The following NOTCH4 variants were observed in gnomAD, a reference collection of about 807,000 sequenced individuals.
The protein encoded by NOTCH4 is neurogenic locus notch homolog protein 4.
Under a neutral mutation model 189.0 loss-of-function variants are expected in NOTCH4, and 138 were observed. The ratio of observed to expected loss-of-function variants is 0.73; its 90% CI spans 0.64 to 0.84. The LOEUF (loss-of-function observed/expected upper bound fraction) is 0.84. NOTCH4 is among the 40% of genes least tolerant of loss of function. The pLI is 0.00. For synonymous variants in NOTCH4, 942 were observed against 1,032.8 expected, an observed-to-expected ratio of 0.91 and a Z score of 1.69; for missense variants, 2,286 against 2,605.4, an observed-to-expected ratio of 0.88 and a Z score of 2.67.
In NOTCH4 at chr6:32,195,576, G is replaced by A. The variant is rs2127457869; in HGVS notation, c.5873C>T (p.Ala1958Val). The A allele has an allele frequency of 1.2e-6, 2 of 1,613,126 alleles. 1 individual carries two copies. The highest frequency in any genetic ancestry group is 2.2e-5 in the South Asian group (2 of 91,076). Reference protein sequence around the residue: ...DWPCDWVALGACGSASNIPIP... With the variant: ...DWPCDWVALGVCGSASNIPIP... ...CGGAATGTTGGAGGCAGAACCGCAA[G>A]CTCCCAGGGCCACCCAATCACAGGG... Residue 1958 changes from alanine to valine, a missense_variant, in exon 30 of 30, where the codon GCT (alanine) becomes GTT (valine). By Grantham distance (64) the Ala-to-Val change is moderately conservative. This residue lies in a region of NOTCH4 where 383 missense variants were observed against 343.5 expected (regional missense o/e 1.11). Coordinates refer to ENST00000375023, the MANE Select transcript of NOTCH4 (RefSeq NM_004557.4). This position sits in a 1 kb window ranked among gnomAD's most constrained non-coding sequence, Gnocchi z 5.4.
chr6:32,215,200 G>A, intron 12 of NOTCH4, 26 bp downstream of exon 12: 1 of 1,567,066 alleles, frequency 6.4e-7, no homozygotes, highest in Non-Finnish European at 8.6e-7. Context: ...GGAGGGGGCA[G>A]ATGGGGAGGG....
At chr6:32,214,468 T>TAG (rs1789250593) in intron 12 of NOTCH4, among the ~76,000 whole-genome samples, 2 of 103,614 alleles carry the variant, frequency 1.9e-5, no homozygotes, top group East Asian at 2.7e-4. Flanking sequence ...TAGTTGGAGA[T>TAG]ATATATATAT....
In NOTCH4 at chr6:32,222,855, T is replaced by C. The variant is rs1789875780; in HGVS notation, c.156-49A>G. ...CTCACATCACTGGTCCCTCTTCCTA[T>C]TCTTGCCCACTCCCTCCTCTGCCTT... On this transcript the variant is annotated intron_variant, in intron 2 of 29. Coordinates refer to ENST00000375023, the MANE Select transcript of NOTCH4 (RefSeq NM_004557.4). The C allele has an allele frequency of 3.8e-6, 6 of 1,599,588 alleles. No individual in the cohort carries two copies. In the South Asian group the frequency reaches 6.6e-5, roughly 18 times the overall value.
chr6:32,213,547 A>AGTG (rs1789167747), intron 14 of NOTCH4, 141 bp downstream of exon 14: 3 of 1,078,996 alleles, frequency 2.8e-6, no homozygotes, highest in Non-Finnish European at 4.1e-6. Flanking sequence ...CTGTGTGCCC[A>AGTG]GCTAATTTAG....
Position 32,212,745 on chromosome 6 carries a change from G to T in NOTCH4, c.2526+79C>A. ...TACTTCAAAAACCTTCTCCTGAATG[G>T]CCTGGGACCAGGTGACCCTCCCTGG... On this transcript the variant is annotated intron_variant, in intron 16 of 29. Coordinates refer to ENST00000375023, the MANE Select transcript of NOTCH4 (RefSeq NM_004557.4). The surrounding 1 kb of genome is among the most constrained non-coding windows in gnomAD (Gnocchi z 4.4). 3.4e-6 allele frequency: 5 copies of T among 1,466,090 alleles called. No individual in the cohort carries two copies. The highest frequency in any genetic ancestry group is 2.4e-5 in the East Asian group (1 of 41,466). 90.8% of individuals were successfully genotyped at this position (1,466,090 alleles called of 1,614,324 possible).
chr6:32,201,586 C>T lies in NOTCH4; in HGVS notation c.3756-86G>A. 1 of 1,353,460 alleles carries T rather than the reference C, an allele frequency of 7.4e-7. No homozygotes were observed. Among genetic ancestry groups the T allele is most frequent in the South Asian group, 1.9e-5 (1 of 52,020 alleles). The allele number at this position is 1,353,460 out of a possible 1,614,324, so 83.8% of individuals were successfully genotyped here. On this transcript the variant is annotated intron_variant, in intron 21 of 29. Coordinates refer to ENST00000375023, the MANE Select transcript of NOTCH4 (RefSeq NM_004557.4). This position sits in a 1 kb window ranked among gnomAD's most constrained non-coding sequence, Gnocchi z 5.5. ...TAGAAAGAATTCCCCATATTTTGTG[C>T]CCTCTAGGGCTTTGGTTGCTAAGTG...
In NOTCH4 at chr6:32,197,463, T is replaced by C. The variant is rs769809418; in HGVS notation, c.4888A>G (p.Thr1630Ala). The C allele has an allele frequency of 1.3e-6, 2 of 1,586,538 alleles. No individual in the cohort carries two copies. Among genetic ancestry groups the C allele is most frequent in the South Asian group, 2.3e-5 (2 of 87,588 alleles). ...LDGGACPQAH[T>A]VGTGETPLHL... ...AGGGGGGTCTCCCCAGTGCCCACGG[T>C]GTGAGCCTGGGGACAGGCCCCTCCA... The change falls in exon 27 of 30, where the codon ACC becomes GCC. Residue 1630 changes from threonine to alanine, a missense_variant. This residue lies in a region of NOTCH4 where 1,903 missense variants were observed against 2,261.9 expected (regional missense o/e 0.84). Transcript: ENST00000375023.
chr6:32,212,611 C>G lies in NOTCH4; in HGVS notation c.2543G>C (p.Cys848Ser), dbSNP rs2127477591. 1 of 1,611,666 alleles carries G rather than the reference C, an allele frequency of 6.2e-7. No individual in the cohort carries two copies. The highest frequency in any genetic ancestry group is 8.5e-7 in the Non-Finnish European group (1 of 1,179,268). ...ATTGCGTGGGCAGGGCTTCTGGGCA[C>G]ATAAGTCCATCAGAGTCTGAGGGGT... Reference protein sequence around the residue: ...GGSCQTLMDLCAQKPCPRNSH... With the variant: ...GGSCQTLMDLSAQKPCPRNSH... Residue 848 changes from cysteine to serine, a missense_variant, in exon 17 of 30, where the codon TGT (cysteine) becomes TCT (serine). Physicochemically the swap from Cys to Ser is moderately radical, Grantham distance 112. Around this residue, in one of 2 missense-constraint regions of NOTCH4, gnomAD observed 1,903 missense variants for 2,261.9 expected, o/e 0.84. Coordinates refer to ENST00000375023, the MANE Select transcript of NOTCH4 (RefSeq NM_004557.4). The surrounding 1 kb of genome is among the most constrained non-coding windows in gnomAD (Gnocchi z 4.4).
chr6:32,222,397 G>A lies in NOTCH4; in HGVS notation c.451+114C>T, dbSNP rs183423012. 158 of 914,502 alleles carry A rather than the reference G, an allele frequency of 1.7e-4. 1 individual carries two copies. In the East Asian group the frequency reaches 3.9e-3, roughly 23 times the overall value. 56.6% of individuals were successfully genotyped at this position (914,502 alleles called of 1,614,324 possible). ...AAGAATTGGCATGTTGATTCTCATG[G>A]CTTCTGTCTTCAAAGGGCTTGCAGT... On this transcript the variant is annotated intron_variant, in intron 3 of 29. Coordinates refer to ENST00000375023, the MANE Select transcript of NOTCH4 (RefSeq NM_004557.4).
rs1037775831 is a variant in NOTCH4 at position 32,195,922 on chromosome 6, C to T, written c.5527G>A (p.Ala1843Thr). Residue 1843 changes from alanine (A) to threonine (T), a missense_variant, in exon 30 of 30, where the codon GCA becomes ACA. By Grantham distance (58) the Ala-to-Thr change is moderately conservative. This residue lies in a region of NOTCH4 where 383 missense variants were observed against 343.5 expected (regional missense o/e 1.11). Transcript: ENST00000375023. This position sits in a 1 kb window ranked among gnomAD's most constrained non-coding sequence, Gnocchi z 5.4. ...PGREAGPFPR[A>T]RTVSVSVPPH... ...GGCACGCTTACTGACACCGTCCGTG[C>T]GCGCGGGAAGGGCCCAGCCTCGCGG... is the stretch of plus-strand genomic sequence containing the variant. 8.8e-6 allele frequency: 14 copies of T among 1,586,008 alleles called. No individual in the cohort carries two copies. The highest frequency in any genetic ancestry group is 1.3e-5 in the African/African-American group (1 of 74,594).
At chr6:32,211,784 G>A (rs1454149877) in intron 17 of NOTCH4, among the ~76,000 whole-genome samples, 1 of 152,108 alleles carries the variant, frequency 6.6e-6, no homozygotes, top group African/African-American at 2.4e-5. Flanking sequence ...GAAGAAATTA[G>A]ACCATCGAGT....
chr6:32,197,014 G>A lies in NOTCH4; in HGVS notation c.5111C>T (p.Pro1704Leu). ...VDARTEDGTT[P>L]LMLAARLAVE... ...CGCCAGCCTGGCAGCCAGCATCAAG[G>A]GTGTGGTCCCGTCCTCTGTGCGAGC... Residue 1704 changes from proline (P) to leucine (L), a missense_variant, in exon 28 of 30, where the codon CCC becomes CTC. By Grantham distance (98) the Pro-to-Leu change is moderately conservative. Transcript: ENST00000375023. 1 of 1,612,942 alleles carries A rather than the reference G, an allele frequency of 6.2e-7. No homozygotes were observed.
intron 12 of NOTCH4, among the ~76,000 whole-genome samples, chr6:32,214,834 C>T (rs2127480346): frequency 6.6e-6 from 1 of 152,232 alleles, no homozygotes; most frequent in East Asian, 1.9e-4. Context: ...CCATGTTGGC[C>T]AGGCTGATGT....
Position 32,216,991 on chromosome 6 carries a change from A to G in NOTCH4, c.1815T>C (p.Leu605=), listed in dbSNP as rs768844407. 2 of 1,613,098 alleles carry G rather than the reference A, an allele frequency of 1.2e-6. No homozygotes were observed. Among genetic ancestry groups the G allele is most frequent in the Non-Finnish European group, 1.7e-6 (2 of 1,180,030 alleles). ...SDPCPVGASC[L]DLPGAFFCLC... is the part of the protein sequence containing the mutation. ...GGCAAAAGAAGGCTCCTGGAAGATC[A>G]AGGCAGCTGGCTCCAACGGGACATG... The change falls in exon 11 of 30, where the codon CTT becomes CTC. Residue 605 remains leucine (L), a synonymous_variant. Transcript: ENST00000375023.
chr6:32,209,060 T>C (rs565964473), intron 18 of NOTCH4, among the ~76,000 whole-genome samples: 19 of 152,326 alleles, frequency 1.2e-4, no homozygotes, highest in Admixed American at 1.2e-3. Flanking sequence ...CAATGGAATA[T>C]TATTCAGCCA....
At position 32,222,567 on chromosome 6, in the gene NOTCH4, CG is replaced by C. The variant is rs376675458; in HGVS notation, c.394del (p.Arg132AlafsTer120). 6.3e-7 allele frequency: 1 copy of C among 1,584,032 alleles called. No individual in the cohort carries two copies. The highest frequency in any genetic ancestry group is 1.2e-5 in the South Asian group (1 of 86,726). ...CPPSFCSKRG[R>X]CHIQASGRPQ... ...GCGGCCCGAGGCCTGGATGTGGCAG[CG>C]GCCCCTTTTGGAACAGAAGGAGGGA... On this transcript the variant is annotated frameshift_variant, in exon 3 of 30. Coordinates refer to ENST00000375023, the MANE Select transcript of NOTCH4 (RefSeq NM_004557.4). LOFTEE classifies it high-confidence loss of function.
At position 32,215,245 on chromosome 6, in the gene NOTCH4, G is replaced by A. The variant is rs1789324726; in HGVS notation, c.2002C>T (p.His668Tyr). 1 of 1,603,166 alleles carries A rather than the reference G, an allele frequency of 6.2e-7. No homozygotes were observed. Among genetic ancestry groups the A allele is most frequent in the East Asian group, 2.2e-5 (1 of 44,662 alleles). ...TGTTACCTCTGGCAGTGCCCGTGGT[G>A]GCAGGTGCAGTTGTCCTCAGGTGGG... is the stretch of plus-strand genomic sequence containing the variant. ...CAPPEDNCTCHHGHCQRSSCV... is the reference protein window; with the variant it reads ...CAPPEDNCTCYHGHCQRSSCV... The change falls in exon 12 of 30, where the codon CAC (histidine) becomes TAC (tyrosine). Residue 668 changes from histidine (H) to tyrosine (Y), a missense_variant. By Grantham distance (83) the His-to-Tyr change is moderately conservative (BLOSUM62 2). Around this residue, in one of 2 missense-constraint regions of NOTCH4, gnomAD observed 1,903 missense variants for 2,261.9 expected, o/e 0.84. Transcript: ENST00000375023.
Position 32,195,825 on chromosome 6 carries a change from G to C in NOTCH4, c.5624C>G (p.Ala1875Gly), listed in dbSNP as rs1171658148. 1 of 1,599,826 alleles carries C rather than the reference G, an allele frequency of 6.3e-7. No individual in the cohort carries two copies. Among genetic ancestry groups the C allele is most frequent in the South Asian group, 1.1e-5 (1 of 90,834 alleles). Residue 1875 changes from alanine to glycine, a missense_variant, in exon 30 of 30, where the codon GCT (alanine) becomes GGT (glycine). Ala to Gly is a moderately conservative substitution (Grantham distance 60, BLOSUM62 0). Around this residue, in one of 2 missense-constraint regions of NOTCH4, gnomAD observed 383 missense variants for 343.5 expected, o/e 1.11. Coordinates refer to ENST00000375023, the MANE Select transcript of NOTCH4 (RefSeq NM_004557.4). This position sits in a 1 kb window ranked among gnomAD's most constrained non-coding sequence, Gnocchi z 5.4. ...GGACCAAGTCCGAGCCTGCAGACAA[G>C]CTCCGCCCCCACGAGGGCCTGCTCC... The part of the protein sequence containing the change: ...SAGAGPRGGG[A>G]CLQARTWSVD...
chr6:32,202,116 G>C lies in NOTCH4; in HGVS notation c.3715C>G (p.Leu1239Val). 1 of 1,500,208 alleles carries C rather than the reference G, an allele frequency of 6.7e-7. No individual in the cohort carries two copies. Among genetic ancestry groups the C allele is most frequent in the Non-Finnish European group, 8.9e-7 (1 of 1,122,504 alleles). The allele number at this position is 1,500,208 out of a possible 1,614,324, so 92.9% of individuals were successfully genotyped here. ...CHPQCDSEEC[L>V]FDGYDCETPP... Reference sequence around the variant, plus strand: ...GTCTCACAGTCGTAGCCATCAAACAGACACTCTTCAGAGTCACACTGTGGG... The same window carrying C: ...GTCTCACAGTCGTAGCCATCAAACACACACTCTTCAGAGTCACACTGTGGG... Residue 1239 changes from leucine (L) to valine (V), a missense_variant, in exon 21 of 30, where the codon CTG becomes GTG. Transcript: ENST00000375023. The surrounding 1 kb of genome is among the most constrained non-coding windows in gnomAD (Gnocchi z 5.7).
Sources: allele counts gnomAD v4.1 joint callset (sites outside exome capture counted in the v4.1 genomes callset), GRCh38; gene constraint gnomAD v4.1.1; regional missense constraint gnomAD v4.1.1; non-coding constraint Gnocchi (gnomAD v3.1); transcripts MANE v1.5; gene names NCBI Gene and HGNC (gene_info 2026-07-23, HGNC 2026-07-21).